Variants in SOS2 observed in about 807,000 individuals in gnomAD.
SOS2 encodes SOS Ras/Rho guanine nucleotide exchange factor 2, also known as son of sevenless homolog 2.
SOS2 carries 65 observed loss-of-function variants against 148.2 expected under a neutral mutation model. That is an observed-to-expected ratio of 0.44 (90% CI 0.36 to 0.54). The LOEUF (loss-of-function observed/expected upper bound fraction) is 0.54, where lower values mean the gene tolerates loss of function less well. SOS2 is among the 20% of genes least tolerant of loss of function. The pLI is 0.00. For missense variants in SOS2, 1,341 were observed against 1,590.2 expected, an observed-to-expected ratio of 0.84 and a Z score of 2.67; for synonymous variants, 539 against 537.1, an observed-to-expected ratio of 1.00 and a Z score of -0.05.
chr14:50,175,993 T>C (rs1885510839), intron 7 of SOS2, among the ~76,000 whole-genome samples: 1 of 152,238 alleles, frequency 6.6e-6, no homozygotes, highest in Non-Finnish European at 1.5e-5. Context: ...GATCTGAATG[T>C]TTGTGTTCCC....
At chr14:50,175,936 A>AGTGCC (rs1329515121) in intron 7 of SOS2, among the ~76,000 whole-genome samples, 3 of 152,364 alleles carry the variant, frequency 2.0e-5, no homozygotes, top group African/African-American at 7.2e-5. Flanking sequence ...ATACACAAAA[A>AGTGCC]GTGCCACCAA....
intron 12 of SOS2, among the ~76,000 whole-genome samples, chr14:50,153,467 T>C (rs1328331472): frequency 6.6e-6 from 1 of 152,210 alleles, no homozygotes; most frequent in African/African-American, 2.4e-5. Context: ...TATTCATATG[T>C]AGAAAACTTA....
chr14:50,132,195 TCCAGTCAAAGC>T (rs1883897306), intron 19 of SOS2, among the ~76,000 whole-genome samples: 1 of 151,822 alleles, frequency 6.6e-6, no homozygotes, highest in African/African-American at 2.4e-5. Flanking sequence ...GGAAGTGTGG[TCCAGTCAAAGC>T]AAAACCAAAT....
intron 8 of SOS2, among the ~76,000 whole-genome samples, chr14:50,163,295 G>A (rs1885070441): frequency 6.6e-6 from 1 of 151,896 alleles, no homozygotes; most frequent in Non-Finnish European, 1.5e-5. Flanking sequence ...ACTTATTAGA[G>A]ATTTTGTGAT....
At position 50,134,247 on chromosome 14, in the gene SOS2, TAAAC is replaced by T. The variant is rs780266222; in HGVS notation, c.2959-12_2959-9del. 2.9e-5 allele frequency: 36 copies of T among 1,260,562 alleles called. No homozygotes were observed. The highest frequency in any genetic ancestry group is 1.9e-4 in the Middle Eastern group (1 of 5,138). 78.1% of individuals were successfully genotyped at this position (1,260,562 alleles called of 1,614,324 possible). ...AAGGTTTTCAAAGAATCTCTGGAAT[TAAAC>T]AAATAACACAAGTGCATATATAGTA... On this transcript the variant is annotated splice_polypyrimidine_tract_variant and intron_variant, in intron 18 of 22. Coordinates refer to ENST00000216373, the MANE Select transcript of SOS2 (RefSeq NM_006939.4).
Position 50,120,322 on chromosome 14 carries a change from G to A in SOS2, c.3442C>T (p.Pro1148Ser). 1.2e-6 allele frequency: 2 copies of A among 1,609,468 alleles called. No homozygotes were observed. The highest frequency in any genetic ancestry group is 1.7e-6 in the Non-Finnish European group (2 of 1,176,680). ...TCAAACTTTTTTCGAGGAGGAAGAG[G>A]AGGAGGAATCAGGGGCTCTTCACTT... ...KLSEEPLIPP[P>S]LPPRKKFDHD... Residue 1148 changes from proline to serine, a missense_variant, in exon 22 of 23, where the codon CCT becomes TCT. Physicochemically the swap from Pro to Ser is moderately conservative, Grantham distance 74. Transcript: ENST00000216373.
intron 5 of SOS2, among the ~76,000 whole-genome samples, chr14:50,186,622 A>T (rs1200853920): frequency 3.0e-5 from 3 of 100,918 alleles, no homozygotes; most frequent in African/African-American, 1.4e-4. Context: ...TCTATATTTA[A>T]AAAAAAAAAA....
chr14:50,185,916 G>A (rs1885894375), intron 5 of SOS2, among the ~76,000 whole-genome samples: 1 of 152,000 alleles, frequency 6.6e-6, no homozygotes, highest in African/African-American at 2.4e-5. Flanking sequence ...GGAAACAGAG[G>A]CATAGAGCAG....
chr14:50,170,959 A>C (rs1473973419), intron 8 of SOS2, among the ~76,000 whole-genome samples: 1 of 151,664 alleles, frequency 6.6e-6, no homozygotes, highest in Non-Finnish European at 1.5e-5. Context: ...CTAAAAATAC[A>C]AAAAATTAGC....
chr14:50,160,321 C>T (rs1884954860), intron 9 of SOS2, among the ~76,000 whole-genome samples: 1 of 145,830 alleles, frequency 6.9e-6, no homozygotes, highest in Admixed American at 6.9e-5. Context: ...AAATTTCTTT[C>T]ATAGATTATA....
At chr14:50,218,343 CA>C (rs1887099318) in intron 1 of SOS2, among the ~76,000 whole-genome samples, 1 of 149,958 alleles carries the variant, frequency 6.7e-6, no homozygotes, top group African/African-American at 2.4e-5. Flanking sequence ...GGCAACATGG[CA>C]AAATCCTGTC....
chr14:50,180,036 A>AAAAATAGTGAGACT (rs1720058223), intron 7 of SOS2, among the ~76,000 whole-genome samples: 3 of 151,370 alleles, frequency 2.0e-5, no homozygotes, highest in African/African-American at 7.3e-5. Context: ...ACAGAGTCTC[A>AAAAATAGTGAGACT]CTATTCCACC....
At chr14:50,167,276 T>G (rs997007171) in intron 8 of SOS2, among the ~76,000 whole-genome samples, 2 of 152,102 alleles carry the variant, frequency 1.3e-5, no homozygotes, top group Non-Finnish European at 1.5e-5. Flanking sequence ...CAATAGAGAT[T>G]GCAAGCTCTT....
chr14:50,118,471 G>A lies in SOS2; in HGVS notation c.3872C>T (p.Pro1291Leu). 1 of 1,614,098 alleles carries A rather than the reference G, an allele frequency of 6.2e-7. No homozygotes were observed. The highest frequency in any genetic ancestry group is 8.5e-7 in the Non-Finnish European group (1 of 1,180,016). Reference protein sequence around the residue: ...QNNLAHPPAPPVPPRQNSSPH... With the variant: ...QNNLAHPPAPLVPPRQNSSPH... ...GCTTGAATTCTGCCTTGGTGGAACA[G>A]GGGGAGCTGGAGGATGAGCAAGATT... Residue 1291 changes from proline (P) to leucine (L), a missense_variant, in exon 23 of 23, where the codon CCT (proline) becomes CTT (leucine). Pro to Leu is a moderately conservative substitution (Grantham distance 98). Coordinates refer to ENST00000216373, the MANE Select transcript of SOS2 (RefSeq NM_006939.4).
At chr14:50,228,299 C>T (rs1016810822) in intron 1 of SOS2, among the ~76,000 whole-genome samples, 1 of 152,002 alleles carries the variant, frequency 6.6e-6, no homozygotes, top group Non-Finnish European at 1.5e-5. Context: ...CAGCCTCAGC[C>T]TCCCAGAGTG....
chr14:50,216,596 T>A (rs1028313353), intron 1 of SOS2, among the ~76,000 whole-genome samples: 1 of 151,624 alleles, frequency 6.6e-6, no homozygotes, highest in Non-Finnish European at 1.5e-5. Flanking sequence ...CCGTCTGTAC[T>A]AAAAGTACAA....
In SOS2 at chr14:50,129,982, G is replaced by A. The variant is rs1594958380; in HGVS notation, c.3358C>T (p.Pro1120Ser). The change falls in exon 21 of 23, where the codon CCA becomes TCA. Residue 1120 changes from proline (P) to serine (S), a missense_variant. Physicochemically the swap from Pro to Ser is moderately conservative, Grantham distance 74. Around this residue, in one of 4 missense-constraint regions of SOS2, gnomAD observed 354 missense variants for 347.7 expected, o/e 1.02. Transcript: ENST00000216373. ...SSCGSNSIFA[P>S]VLLPHSKSFF... ...TTACTTGAATGTGGCAAAAGCACTG[G>A]AGCAAAGATGCTATTGCTGCCTATT... 3.8e-6 allele frequency: 6 copies of A among 1,593,698 alleles called. No homozygotes were observed. The highest frequency in any genetic ancestry group is 5.2e-6 in the Non-Finnish European group (6 of 1,164,988).
chr14:50,181,538 C>G (rs903474063), intron 6 of SOS2, among the ~76,000 whole-genome samples: 1 of 151,174 alleles, frequency 6.6e-6, no homozygotes, highest in Non-Finnish European at 1.5e-5. Flanking sequence ...GGAAAAAACT[C>G]TACAACCTAT....
chr14:50,161,427 A>T, intron 9 of SOS2, 55 bp downstream of exon 9: 2 of 1,468,872 alleles, frequency 1.4e-6, no homozygotes, highest in Non-Finnish European at 1.9e-6. Context: ...AAAACCAGGC[A>T]TCAGAGACAG....
Sources: gnomAD v4.1 joint callset for allele counts (sites outside exome capture counted in the v4.1 genomes callset) on GRCh38, gnomAD v4.1.1 for gene constraint, gnomAD v4.1.1 regional missense constraint, MANE v1.5 for transcripts, NCBI Gene and HGNC (gene_info 2026-07-23, HGNC 2026-07-21) for gene names.